HAS1: variants seen among roughly 807,000 people sequenced by gnomAD.
The protein encoded by HAS1 is HA synthase 1.
Under a neutral mutation model 35.0 loss-of-function variants are expected in HAS1, and 27 were observed. The observed-to-expected ratio is 0.77, with a 90% confidence interval of 0.57 to 1.06. HAS1 has a LOEUF of 1.06. HAS1 is among the 50% of genes least tolerant of loss of function. The pLI is 0.00. For synonymous variants in HAS1, 409 were observed against 371.2 expected, an observed-to-expected ratio of 1.10 and a Z score of -1.17; for missense variants, 940 against 814.8, an observed-to-expected ratio of 1.15 and a Z score of -1.87.
At position 51,717,183 on chromosome 19, in the gene HAS1, G is replaced by A. The variant is rs143266369; in HGVS notation, c.710C>T (p.Ser237Leu). 3.2e-5 allele frequency: 51 copies of A among 1,610,754 alleles called. No homozygotes were observed. The African/African-American group carries it at 3.3e-4, about 11-fold the overall frequency. Residue 237 changes from serine to leucine, a missense_variant, in exon 3 of 5, where the codon TCG becomes TTG. Ser to Leu is a moderately radical substitution (Grantham distance 145). Coordinates refer to ENST00000540069, the MANE Select transcript of HAS1 (RefSeq NM_001297436.2). ...DSVDYVQVCDSDTRLDPMALL... is the reference protein window; with the variant it reads ...DSVDYVQVCDLDTRLDPMALL... ...TGCCATGGGGTCCAACCTTGTGTCC[G>A]AGTCACAGACCTGTAAGGTGGAAGG... is the stretch of plus-strand genomic sequence containing the variant.
Position 51,719,262 on chromosome 19 carries a change from G to C in HAS1, c.643C>G (p.Arg215Gly), listed in dbSNP as rs949986992. 4.4e-6 allele frequency: 7 copies of C among 1,608,988 alleles called. No homozygotes were observed. The highest frequency in any genetic ancestry group is 1.3e-5 in the African/African-American group (1 of 74,490). Residue 215 changes from arginine to glycine, a missense_variant, in exon 2 of 5, where the codon CGC (arginine) becomes GGC (glycine). Arg to Gly is a moderately radical substitution (Grantham distance 125). Transcript: ENST00000540069. ...VCVAQRWGGK[R>G]EVMYTAFKAL... is the part of the protein sequence containing the mutation. ...TTGAAGGCTGTGTACATGACCTCGCGCTTGCCGCCCCAGCGCTGCGCCACG... is the reference window on the plus strand; with the variant it reads ...TTGAAGGCTGTGTACATGACCTCGCCCTTGCCGCCCCAGCGCTGCGCCACG...
chr19:51,716,326 C>G lies in HAS1; in HGVS notation c.988G>C (p.Gly330Arg), dbSNP rs1188628564. The G allele has an allele frequency of 1.2e-6, 2 of 1,613,670 alleles. No individual in the cohort carries two copies. Among genetic ancestry groups the G allele is most frequent in the Non-Finnish European group, 1.7e-6 (2 of 1,179,672 alleles). The change falls in exon 4 of 5, where the codon GGT (glycine) becomes CGT (arginine). Residue 330 changes from glycine to arginine, a missense_variant. Physicochemically the swap from Gly to Arg is moderately radical, Grantham distance 125. Coordinates refer to ENST00000540069, the MANE Select transcript of HAS1 (RefSeq NM_001297436.2). ...TCATCCCCAAAAGTACAGTGGGTACCCAGGAACTTCTGGTTGTACCAGGCC... is the reference window on the plus strand; with the variant it reads ...TCATCCCCAAAAGTACAGTGGGTACGCAGGAACTTCTGGTTGTACCAGGCC... ...LEAWYNQKFL[G>R]THCTFGDDRH...
At chr19:51,722,724 T>A (rs1780528349) in intron 1 of HAS1, among the ~76,000 whole-genome samples, 1 of 152,150 alleles carries the variant, frequency 6.6e-6, no homozygotes, top group South Asian at 2.1e-4. Context: ...GATTCTACAT[T>A]TACCACATCG....
intron 4 of HAS1, 142 bp downstream of exon 4, chr19:51,716,114 C>G (rs1341338495): frequency 4.1e-6 from 3 of 732,792 alleles, no homozygotes; most frequent in Non-Finnish European, 6.9e-6. Flanking sequence ...TTATGGTATC[C>G]TCCTCTCTCC....
Position 51,719,578 on chromosome 19 carries a change from G to A in HAS1, c.327C>T (p.Tyr109=). 1 of 1,544,030 alleles carries A rather than the reference G, an allele frequency of 6.5e-7. No homozygotes were observed. Among genetic ancestry groups the A allele is most frequent in the Non-Finnish European group, 8.7e-7 (1 of 1,144,164 alleles). Residue 109 remains tyrosine (Y), a synonymous_variant, in exon 2 of 5, where the codon TAC becomes TAT. Transcript: ENST00000540069. ...TISAYQEDPA[Y]LRQCLASARA... is the part of the protein sequence containing the mutation. ...GGGCGGACGCCAGGCACTGGCGCAG[G>A]TACGCGGGGTCCTCCTGGTAGGCGG...
rs1020102953 is a variant in HAS1, at chr19:51,713,869, A to G, written c.1292T>C (p.Leu431Pro). ...GCCCTGCACGCACAGCAGCACCCAC[A>G]GCAGCGCCCAAGGGCGGCCCGCGTA... ...LFYAGRPWAL[L>P]WVLLCVQGVA... is the part of the protein sequence containing the mutation. Residue 431 changes from leucine (L) to proline (P), a missense_variant, in exon 5 of 5, where the codon CTG (leucine) becomes CCG (proline). Physicochemically the swap from Leu to Pro is moderately conservative, Grantham distance 98. Coordinates refer to ENST00000540069, the MANE Select transcript of HAS1 (RefSeq NM_001297436.2). The surrounding 1 kb of genome is among the most constrained non-coding windows in gnomAD (Gnocchi z 4.5). The G allele has an allele frequency of 2.5e-6, 4 of 1,606,460 alleles. No individual in the cohort carries two copies. The highest frequency in any genetic ancestry group is 4.5e-5 in the East Asian group (2 of 44,852).
At chr19:51,717,549 A>C (rs2083595932) in intron 2 of HAS1, among the ~76,000 whole-genome samples, 1 of 152,188 alleles carries the variant, frequency 6.6e-6, no homozygotes, top group Admixed American at 6.5e-5. Context: ...TTAAGTCCCC[A>C]AATCTCTTGA....
In HAS1 at chr19:51,713,135, A is replaced by T; in HGVS notation, c.*292T>A. ...GGGAAAATAAATAAAATTCTTTATTACATCCTGATCACACAGTAGAAATGG... is the reference window on the plus strand; with the variant it reads ...GGGAAAATAAATAAAATTCTTTATTTCATCCTGATCACACAGTAGAAATGG... On this transcript the variant is annotated 3_prime_UTR_variant, in exon 5 of 5. Coordinates refer to ENST00000540069, the MANE Select transcript of HAS1 (RefSeq NM_001297436.2). The surrounding 1 kb of genome is among the most constrained non-coding windows in gnomAD (Gnocchi z 4.5). 2.7e-6 allele frequency: 1 copy of T among 369,272 alleles called. No individual in the cohort carries two copies. The highest frequency in any genetic ancestry group is 4.1e-5 in the East Asian group (1 of 24,676). The allele number at this position is 369,272 out of a possible 1,614,324, so 22.9% of individuals were successfully genotyped here.
chr19:51,713,432 C>A lies in HAS1; in HGVS notation c.1729G>T (p.Val577Leu). ...CGGCATCCGCGTGGCTGGACTCACA[C>A]CTGGACGCGGTAGCCCCCGGTCCGC... Reference protein sequence around the residue: ...RRRTGGYRVQV With the variant: ...RRRTGGYRVQL Residue 577 changes from valine (V) to leucine (L), a missense_variant, in exon 5 of 5, where the codon GTG becomes TTG. Val to Leu is a conservative substitution (Grantham distance 32). Coordinates refer to ENST00000540069, the MANE Select transcript of HAS1 (RefSeq NM_001297436.2). The surrounding 1 kb of genome is among the most constrained non-coding windows in gnomAD (Gnocchi z 4.5). The A allele has an allele frequency of 1.3e-6, 2 of 1,524,968 alleles. No homozygotes were observed. The highest frequency in any genetic ancestry group is 1.8e-6 in the Non-Finnish European group (2 of 1,134,684). 94.5% of individuals were successfully genotyped at this position (1,524,968 alleles called of 1,614,324 possible).
rs2083561618 is a variant in HAS1, at chr19:51,713,841, C to T, written c.1320G>A (p.Val440=). The stretch of plus-strand genomic sequence containing the variant: ...CCGCGAAGGCCGCCTTGGCCAGTGC[C>T]ACGCCCTGCACGCACAGCAGCACCC... ...LLWVLLCVQG[V]ALAKAAFAAW... The change falls in exon 5 of 5, where the codon GTG becomes GTA. Residue 440 remains valine, a synonymous_variant. Coordinates refer to ENST00000540069, the MANE Select transcript of HAS1 (RefSeq NM_001297436.2). This position sits in a 1 kb window ranked among gnomAD's most constrained non-coding sequence, Gnocchi z 4.5. 6.2e-7 allele frequency: 1 copy of T among 1,606,978 alleles called. No individual in the cohort carries two copies. Among genetic ancestry groups the T allele is most frequent in the Non-Finnish European group, 8.5e-7 (1 of 1,179,146 alleles).
intron 4 of HAS1, 168 bp from the exon 5 acceptor site, chr19:51,714,270 C>T (rs1041622461): frequency 1.7e-6 from 2 of 1,156,482 alleles, no homozygotes; most frequent in African/African-American, 3.1e-5. Flanking sequence ...GTTCCTAGGC[C>T]TGGACGCGGT....
chr19:51,713,301 C>G lies in HAS1; in HGVS notation c.*126G>C, dbSNP rs1448316803. On this transcript the variant is annotated 3_prime_UTR_variant, in exon 5 of 5. Transcript: ENST00000540069. This position sits in a 1 kb window ranked among gnomAD's most constrained non-coding sequence, Gnocchi z 4.5. ...CAGACTGAAGAATCTTGGGCTGACCCCCTCGTTTTGCAGAGGAGGGAAACT... is the reference window on the plus strand; with the variant it reads ...CAGACTGAAGAATCTTGGGCTGACCGCCTCGTTTTGCAGAGGAGGGAAACT... 1.2e-5 allele frequency: 11 copies of G among 910,256 alleles called. No homozygotes were observed. Among genetic ancestry groups the G allele is most frequent in the Non-Finnish European group, 1.7e-5 (11 of 638,814 alleles). The allele number at this position is 910,256 out of a possible 1,614,324, so 56.4% of individuals were successfully genotyped here.
At chr19:51,721,454 CT>C (rs934089496) in intron 1 of HAS1, among the ~76,000 whole-genome samples, 5 of 152,048 alleles carry the variant, frequency 3.3e-5, no homozygotes, top group Non-Finnish European at 5.9e-5. Context: ...GTACAACAAC[CT>C]TAATATATAT....
intron 2 of HAS1, among the ~76,000 whole-genome samples, chr19:51,717,745 T>A (rs2083597029): frequency 6.6e-6 from 1 of 152,276 alleles, no homozygotes; most frequent in Non-Finnish European, 1.5e-5. Flanking sequence ...GCTTGAAAGA[T>A]AACCCCAAGC....
In HAS1 at chr19:51,719,216, T is replaced by TC. The variant is rs1285251032; in HGVS notation, c.688dup (p.Asp230GlyfsTer7). ...GGCGCCTCTACTCACCTGCACGTAG[T>TC]CCACCGAATCTCCGAGCGCCTTGAA... On this transcript the variant is annotated frameshift_variant, in exon 2 of 5. Transcript: ENST00000540069. LOFTEE classifies it high-confidence loss of function. 2 of 1,566,026 alleles carry TC rather than the reference T, an allele frequency of 1.3e-6. No homozygotes were observed. Among genetic ancestry groups the TC allele is most frequent in the Non-Finnish European group, 1.7e-6 (2 of 1,154,738 alleles).
chr19:51,713,226 C>T lies in HAS1; in HGVS notation c.*201G>A. The stretch of plus-strand genomic sequence containing the variant: ...CCACTCCTCAGATCCCACACCCTGA[C>T]CAATAAATACCCTCCCTGGAGACCC... On this transcript the variant is annotated 3_prime_UTR_variant, in exon 5 of 5. Transcript: ENST00000540069. The surrounding 1 kb of genome is among the most constrained non-coding windows in gnomAD (Gnocchi z 4.5). The T allele has an allele frequency of 2.1e-6, 1 of 481,644 alleles. No individual in the cohort carries two copies. Among genetic ancestry groups the T allele is most frequent in the Non-Finnish European group, 3.6e-6 (1 of 280,828 alleles). The allele number at this position is 481,644 out of a possible 1,614,324, so 29.8% of individuals were successfully genotyped here. A position where few individuals can be genotyped will look rare whatever the true frequency, so the allele number is the denominator to read the frequency against.
intron 1 of HAS1, 188 bp from the exon 2 acceptor site, chr19:51,720,083 TCTCTCTCTCG>T: frequency 3.7e-6 from 2 of 544,398 alleles, no homozygotes; most frequent in Non-Finnish European, 6.4e-6. Flanking sequence ...GCTGTCTCTC[TCTCTCTCTCG>T]CTCTCGCTCT....
rs143266369 is a variant in HAS1 at position 51,717,183 on chromosome 19, G to C, written c.710C>G (p.Ser237Trp). ...DSVDYVQVCDSDTRLDPMALL... is the reference protein window; with the variant it reads ...DSVDYVQVCDWDTRLDPMALL... ...TGCCATGGGGTCCAACCTTGTGTCCGAGTCACAGACCTGTAAGGTGGAAGG... is the reference window on the plus strand; with the variant it reads ...TGCCATGGGGTCCAACCTTGTGTCCCAGTCACAGACCTGTAAGGTGGAAGG... The change falls in exon 3 of 5, where the codon TCG becomes TGG. Residue 237 changes from serine to tryptophan, a missense_variant. Transcript: ENST00000540069. The C allele has an allele frequency of 6.2e-7, 1 of 1,610,754 alleles. No homozygotes were observed. The highest frequency in any genetic ancestry group is 8.5e-7 in the Non-Finnish European group (1 of 1,178,186).
At chr19:51,717,228 C>A in intron 2 of HAS1, 35 bp from the exon 3 acceptor site, 1 of 1,423,842 alleles carries the variant, frequency 7.0e-7, no homozygotes, top group South Asian at 1.1e-5. Flanking sequence ...CAGCACAGAC[C>A]CCTGCATCAG....
Sources: gnomAD v4.1 joint callset for allele counts (sites outside exome capture counted in the v4.1 genomes callset) on GRCh38, gnomAD v4.1.1 for gene constraint, Gnocchi (gnomAD v3.1) non-coding constraint, MANE v1.5 for transcripts, NCBI Gene and HGNC (gene_info 2026-07-23, HGNC 2026-07-21) for gene names.